The following SCFD1 variants were observed in gnomAD, a reference collection of about 807,000 sequenced individuals.
SCFD1 encodes sec1 family domain containing 1, also known as sec1 family domain-containing protein 1.
In SCFD1, 37 loss-of-function variants were observed where a neutral mutation model predicts 103.2. That is an observed-to-expected ratio of 0.36 (90% CI 0.28 to 0.47). The LOEUF (loss-of-function observed/expected upper bound fraction) is 0.47, where lower values mean the gene tolerates loss of function less well. SCFD1 is among the 20% of genes least tolerant of loss of function. The pLI is 1.00. For synonymous variants in SCFD1, 264 were observed against 245.0 expected (o/e 1.08, Z -0.73); for missense variants, 639 against 761.2 (o/e 0.84, Z 1.89).
chr14:30,648,551 G>A (rs1223520356), intron 7 of SCFD1, among the ~76,000 whole-genome samples: 1 of 152,128 alleles, frequency 6.6e-6, no homozygotes, highest in Non-Finnish European at 1.5e-5. Context: ...AATTAGCTAA[G>A]CTCTTTTCAT....
At chr14:30,700,057 A>T in intron 15 of SCFD1, 131 bp from the exon 16 acceptor site, 1 of 643,762 alleles carries the variant, frequency 1.6e-6, no homozygotes, top group Non-Finnish European at 2.7e-6. Flanking sequence ...CTGTTACCTT[A>T]GTTAAATCAA....
At chr14:30,704,508 C>T (rs531377431) in intron 17 of SCFD1, among the ~76,000 whole-genome samples, 8 of 152,090 alleles carry the variant, frequency 5.3e-5, no homozygotes, top group Non-Finnish European at 1.2e-4. Flanking sequence ...GATATTGTTT[C>T]TAGTGAAAAA....
chr14:30,646,980 G>C (rs974225473), intron 7 of SCFD1, among the ~76,000 whole-genome samples: 1 of 152,008 alleles, frequency 6.6e-6, no homozygotes, highest in Admixed American at 6.6e-5. Context: ...ATTTCTCATT[G>C]TGTTTATTTG....
At chr14:30,719,502 G>T (rs1320325205) in intron 21 of SCFD1, 125 bp downstream of exon 21, 7 of 670,514 alleles carry the variant, frequency 1.0e-5, no homozygotes, top group Non-Finnish European at 1.8e-5. Flanking sequence ...AGGAAACAAG[G>T]ATGTATAATC....
intron 23 of SCFD1, among the ~76,000 whole-genome samples, chr14:30,723,326 C>G (rs532849195): frequency 6.6e-6 from 1 of 152,144 alleles, no homozygotes; most frequent in Non-Finnish European, 1.5e-5. Context: ...TTCATCTTTG[C>G]ATCGTGAACC....
chr14:30,628,101 T>A, intron 1 of SCFD1, 108 bp from the exon 2 acceptor site: 1 of 693,638 alleles, frequency 1.4e-6, no homozygotes, highest in Non-Finnish European at 2.5e-6. Flanking sequence ...TTAATCAGTT[T>A]TACTAGAGTT....
At chr14:30,714,991 G>A (rs538491330) in intron 19 of SCFD1, among the ~76,000 whole-genome samples, 1 of 152,320 alleles carries the variant, frequency 6.6e-6, no homozygotes, top group East Asian at 1.9e-4. Context: ...AACAAGTCAG[G>A]AGACAACCTT....
intron 9 of SCFD1, among the ~76,000 whole-genome samples, chr14:30,650,978 A>G (rs764947398): frequency 3.9e-5 from 6 of 152,116 alleles, no homozygotes; most frequent in Non-Finnish European, 7.4e-5. Context: ...TGTGATACTT[A>G]TATCTGTTTC....
intron 11 of SCFD1, among the ~76,000 whole-genome samples, chr14:30,671,816 G>T (rs1036894402): frequency 3.6e-4 from 55 of 152,000 alleles, no homozygotes; most frequent in African/African-American, 1.2e-3. Flanking sequence ...GGAGTAATTT[G>T]CCCAAGTCAT....
At chr14:30,659,173 G>GT (rs542816136) in intron 10 of SCFD1, among the ~76,000 whole-genome samples, 2,419 of 116,272 alleles carry the variant, frequency 0.021, 29 homozygotes, top group South Asian at 0.037. Flanking sequence ...AGCTGCTATA[G>GT]TTTTTTTTTT....
chr14:30,630,615 T>C (rs1594555263), intron 3 of SCFD1, 50 bp downstream of exon 3: 1 of 1,075,602 alleles, frequency 9.3e-7, no homozygotes, highest in East Asian at 2.4e-5. Flanking sequence ...AGAACATTTA[T>C]AGAGAAAAAT....
At chr14:30,730,113 G>C (rs1893343889) in intron 23 of SCFD1, among the ~76,000 whole-genome samples, 1 of 152,100 alleles carries the variant, frequency 6.6e-6, no homozygotes, top group Non-Finnish European at 1.5e-5. Context: ...GCAGTGTTTG[G>C]TTTTTTGTTC....
At chr14:30,645,496 T>A (rs1394262309) in intron 7 of SCFD1, among the ~76,000 whole-genome samples, 1 of 152,218 alleles carries the variant, frequency 6.6e-6, no homozygotes, top group African/African-American at 2.4e-5. Context: ...TTGTGTCATC[T>A]CTGATTTCTT....
chr14:30,633,690 ATGTC>A (rs1326620921), intron 3 of SCFD1, among the ~76,000 whole-genome samples: 2 of 152,196 alleles, frequency 1.3e-5, no homozygotes, highest in Non-Finnish European at 2.9e-5. Flanking sequence ...GTAGAAAAGA[ATGTC>A]TGACCATAAG....
At chr14:30,709,148 A>C (rs1891687098) in intron 19 of SCFD1, among the ~76,000 whole-genome samples, 1 of 152,178 alleles carries the variant, frequency 6.6e-6, no homozygotes, top group African/African-American at 2.4e-5. Context: ...AAATCAAAAG[A>C]ATCAGTTATT....
At chr14:30,635,966 A>G (rs1884681201) in intron 4 of SCFD1, among the ~76,000 whole-genome samples, 1 of 152,156 alleles carries the variant, frequency 6.6e-6, no homozygotes. Context: ...TTGAAGTGGC[A>G]TCTCATTATA....
rs767837356 is a variant in SCFD1, at chr14:30,721,917, G to A, written c.1770G>A (p.Glu590=). ...CCAGAAATAAAAATCCATTCCAAGA[G>A]GTAAGTTTCATATAAAAATTCTCTG... ...SVPRNKNPFQ[E]AIVFVVGGGN... is the part of the protein sequence containing the mutation. The change falls in exon 22 of 25, where the codon GAG becomes GAA. Residue 590 remains glutamate, a splice_region_variant and synonymous_variant. Coordinates refer to ENST00000458591, the MANE Select transcript of SCFD1 (RefSeq NM_016106.4). 1.4e-5 allele frequency: 23 copies of A among 1,605,128 alleles called. No homozygotes were observed. The highest frequency in any genetic ancestry group is 3.3e-5 in the South Asian group (3 of 90,380).
At chr14:30,667,930 A>G (rs1888158379) in intron 10 of SCFD1, among the ~76,000 whole-genome samples, 1 of 152,252 alleles carries the variant, frequency 6.6e-6, no homozygotes, top group Non-Finnish European at 1.5e-5. Flanking sequence ...AGAACATTCC[A>G]TGCTCATGGA....
chr14:30,629,885 A>T lies in SCFD1; in HGVS notation c.133-592A>T, dbSNP rs1189329921. On this transcript the variant is annotated intron_variant, in intron 2 of 24. Transcript: ENST00000458591. ...GCCACTGTGCCACAGCCAGGGACTT[A>T]ATTTTTTTTAATGAGTATCTTTTTA... Among the ~76,000 whole-genome samples the T allele has an allele frequency of 2.6e-5, 4 of 152,182 alleles. No homozygotes were observed. The South Asian group carries it at 8.3e-4, about 32-fold the overall frequency.
Sources: allele counts gnomAD v4.1 joint callset (sites outside exome capture counted in the v4.1 genomes callset), GRCh38; gene constraint gnomAD v4.1.1; transcripts MANE v1.5; gene names NCBI Gene and HGNC (gene_info 2026-07-23, HGNC 2026-07-21).